Variants in SNX13 observed in about 807,000 individuals in gnomAD.
SNX13 encodes the protein sorting nexin-13.
A neutral mutation model predicts 133.6 loss-of-function variants in SNX13; 45 were observed. The ratio of observed to expected loss-of-function variants is 0.34; its 90% confidence interval spans 0.27 to 0.43. SNX13 has a LOEUF of 0.43. Ranked by LOEUF, SNX13 falls within the 20% of genes least tolerant of loss-of-function variation. SNX13 has a pLI of 1.00. For synonymous variants in SNX13, 414 were observed against 373.9 expected, an observed-to-expected ratio of 1.11 and a Z score of -1.24; for missense variants, 1,032 against 1,145.1, an observed-to-expected ratio of 0.90 and a Z score of 1.43.
intron 13 of SNX13, among the ~76,000 whole-genome samples, chr7:17,838,864 C>G (rs1647923906): frequency 6.6e-6 from 1 of 151,396 alleles, no homozygotes; most frequent in South Asian, 2.1e-4. Context: ...AATGATTTAT[C>G]TTGGAGAATG....
chr7:17,845,753 T>C (rs1312733758), intron 11 of SNX13, 59 bp from the exon 12 acceptor site: 6 of 1,180,148 alleles, frequency 5.1e-6, no homozygotes, highest in East Asian at 2.6e-5. Flanking sequence ...GTTAAAGATG[T>C]GTACATAAAT....
intron 20 of SNX13, among the ~76,000 whole-genome samples, chr7:17,805,920 C>T (rs1423150358): frequency 6.6e-6 from 1 of 152,018 alleles, no homozygotes. Context: ...GTTGGTTAAC[C>T]ATGAAAGAGG....
intron 20 of SNX13, among the ~76,000 whole-genome samples, chr7:17,813,322 A>T (rs370307113): frequency 6.6e-6 from 1 of 152,222 alleles, no homozygotes; most frequent in African/African-American, 2.4e-5. Context: ...ATGCATCTCT[A>T]GTGACAATAA....
intron 1 of SNX13, among the ~76,000 whole-genome samples, chr7:17,920,958 C>T (rs564722582): frequency 3.3e-5 from 5 of 152,276 alleles, no homozygotes; most frequent in Middle Eastern, 3.4e-3. Flanking sequence ...GCAGCGTGTA[C>T]TCAGCCAAGC....
intron 13 of SNX13, among the ~76,000 whole-genome samples, chr7:17,836,957 T>C (rs1789207962): frequency 1.3e-5 from 2 of 151,996 alleles, no homozygotes; most frequent in Admixed American, 1.3e-4. Context: ...TTCTGTTTCC[T>C]TCTCTAATAC....
chr7:17,933,291 C>T (rs961132549), intron 1 of SNX13, among the ~76,000 whole-genome samples: 4 of 152,248 alleles, frequency 2.6e-5, no homozygotes, highest in African/African-American at 7.2e-5. Context: ...TGCCTGTAAT[C>T]CCAGCACTTT....
chr7:17,917,445 A>C (rs1178064846), intron 1 of SNX13, among the ~76,000 whole-genome samples: 1 of 152,222 alleles, frequency 6.6e-6, no homozygotes, highest in Non-Finnish European at 1.5e-5. Context: ...TAGACCCGAT[A>C]TACAACTTCA....
Position 17,791,364 on chromosome 7 carries a change from A to G in SNX13, c.*2681T>C, listed in dbSNP as rs550482923. On this transcript the variant is annotated 3_prime_UTR_variant, in exon 26 of 26. Coordinates refer to ENST00000428135, the MANE Select transcript of SNX13 (RefSeq NM_015132.5). ...AAACTTAAAATGAACAAACTGAAAT[A>G]TTCAAGAAAGTTTTTGTTTTTTTTT... The G allele has an allele frequency of 3.7e-3, 555 of 151,768 alleles. 5 individuals are homozygous for G. The highest frequency in any genetic ancestry group is 0.013 in the African/African-American group (530 of 41,490). 9.4% of individuals were successfully genotyped at this position (151,768 alleles called of 1,614,324 possible).
intron 1 of SNX13, among the ~76,000 whole-genome samples, chr7:17,919,873 GTAA>G (rs1343115285): frequency 2.0e-5 from 3 of 152,140 alleles, no homozygotes; most frequent in African/African-American, 4.8e-5. Flanking sequence ...GCTCACACCT[GTAA>G]TCCCAGGACT....
intron 1 of SNX13, among the ~76,000 whole-genome samples, chr7:17,903,849 A>G (rs1470890214): frequency 1.3e-5 from 2 of 152,220 alleles, no homozygotes; most frequent in African/African-American, 4.8e-5. Context: ...ACTACCTGCA[A>G]TAAGTGAATA....
At chr7:17,892,437 G>A (rs1418155766) in intron 3 of SNX13, among the ~76,000 whole-genome samples, 1 of 150,430 alleles carries the variant, frequency 6.6e-6, no homozygotes, top group Non-Finnish European at 1.5e-5. Flanking sequence ...CTCAAATGAA[G>A]TACACTATAA....
At chr7:17,830,968 C>CTCT (rs1393099820) in intron 15 of SNX13, 6 of 984,196 alleles carry the variant, frequency 6.1e-6, no homozygotes, top group Non-Finnish European at 4.8e-6. Flanking sequence ...TTCTTCAGCC[C>CTCT]TCTGGTCATA....
At chr7:17,875,830 C>CT in intron 5 of SNX13, 40 bp from the exon 6 acceptor site, 1 of 1,460,040 alleles carries the variant, frequency 6.8e-7, no homozygotes, top group Non-Finnish European at 9.3e-7. Flanking sequence ...TATATAAATG[C>CT]TTTATCAGAA....
chr7:17,838,679 T>G (rs568889029), intron 13 of SNX13, among the ~76,000 whole-genome samples: 3 of 152,018 alleles, frequency 2.0e-5, no homozygotes, highest in African/African-American at 7.2e-5. Flanking sequence ...TAAAAATACT[T>G]TCTAGTTTCC....
At chr7:17,853,026 G>C (rs991659700) in intron 9 of SNX13, among the ~76,000 whole-genome samples, 3 of 152,194 alleles carry the variant, frequency 2.0e-5, no homozygotes, top group Non-Finnish European at 4.4e-5. Context: ...TATATTAAAT[G>C]AAAGTGAAGG....
intron 1 of SNX13, among the ~76,000 whole-genome samples, chr7:17,917,573 A>AG (rs1799698867): frequency 6.6e-6 from 1 of 152,120 alleles, no homozygotes; most frequent in Admixed American, 6.6e-5. Flanking sequence ...AAAAATACCT[A>AG]GGAATACAGC....
At chr7:17,821,367 A>T in intron 18 of SNX13, 142 bp downstream of exon 18, 2 of 719,392 alleles carry the variant, frequency 2.8e-6, no homozygotes, top group Non-Finnish European at 4.5e-6. Flanking sequence ...TGCTCAGATT[A>T]ATTCTAAGAT....
chr7:17,880,152 T>C (rs1795179707), intron 5 of SNX13: 1 of 152,212 alleles, frequency 6.6e-6, no homozygotes, highest in South Asian at 2.1e-4. Flanking sequence ...GAAAAAACTA[T>C]GAACTGTTCC....
intron 20 of SNX13, among the ~76,000 whole-genome samples, chr7:17,810,577 G>A (rs926856510): frequency 3.3e-5 from 5 of 152,138 alleles, no homozygotes; most frequent in African/African-American, 7.2e-5. Context: ...CAGAGGGACA[G>A]AGGAGCTGGT....
Sources: allele counts gnomAD v4.1 joint callset (sites outside exome capture counted in the v4.1 genomes callset), GRCh38; gene constraint gnomAD v4.1.1; transcripts MANE v1.5; gene names NCBI Gene and HGNC (gene_info 2026-07-23, HGNC 2026-07-21).